The following ATRNL1 variants were observed in gnomAD, a reference collection of about 807,000 sequenced individuals.
ATRNL1 encodes attractin-like protein 1.
Under a neutral mutation model 182.7 loss-of-function variants are expected in ATRNL1, and 95 were observed. The observed-to-expected ratio is 0.52, with a 90% CI of 0.44 to 0.62. ATRNL1 has a LOEUF of 0.62. Among genes scored for constraint, ATRNL1 ranks in the 20% least tolerant of loss-of-function variants. ATRNL1 has a pLI of 0.00. For missense variants in ATRNL1, 1,471 were observed against 1,679.5 expected (o/e 0.88, Z 2.17); for synonymous variants, 576 against 568.3 (o/e 1.01, Z -0.19).
intron 5 of ATRNL1, among the ~76,000 whole-genome samples, chr10:115,131,287 A>G (rs923215985): frequency 1.9e-4 from 29 of 152,100 alleles, no homozygotes; most frequent in African/African-American, 6.5e-4. Context: ...TTTTATATGG[A>G]GAATAGTGTG....
chr10:115,662,955 G>T (rs903960196), intron 26 of ATRNL1, among the ~76,000 whole-genome samples: 28 of 152,018 alleles, frequency 1.8e-4, no homozygotes, highest in African/African-American at 6.3e-4. Context: ...CTTTGTATTC[G>T]CATTTAAAGT....
At chr10:115,942,722 G>C (rs1303918462) in intron 28 of ATRNL1, among the ~76,000 whole-genome samples, 2 of 152,202 alleles carry the variant, frequency 1.3e-5, no homozygotes, top group African/African-American at 2.4e-5. Context: ...TCAAAGTCAA[G>C]TCTTCAAGAC....
Position 115,321,423 on chromosome 10 carries a change from T to C in ATRNL1, c.3037+5687T>C, listed in dbSNP as rs1854578654. On this transcript the variant is annotated intron_variant, in intron 18 of 28. Coordinates refer to ENST00000355044, the MANE Select transcript of ATRNL1 (RefSeq NM_207303.4). ...TATGGTTGTTTTATATATCCTTTGC[T>C]CCTTTCTTATTGTTTATCATTGTGG... Among the ~76,000 whole-genome samples the C allele has an allele frequency of 3.3e-5, 5 of 152,336 alleles. No homozygotes were observed. In the South Asian group the frequency reaches 1.0e-3, roughly 32 times the overall value.
intron 18 of ATRNL1, among the ~76,000 whole-genome samples, chr10:115,329,460 C>T (rs961271520): frequency 8.6e-5 from 13 of 152,006 alleles, no homozygotes; most frequent in Non-Finnish European, 1.8e-4. Context: ...GATGATCTGT[C>T]GATTGCTGAG....
intron 27 of ATRNL1, among the ~76,000 whole-genome samples, chr10:115,732,183 G>T (rs1479313296): frequency 6.6e-6 from 1 of 152,108 alleles, no homozygotes; most frequent in African/African-American, 2.4e-5. Flanking sequence ...TATGCCTAAG[G>T]GTGGAATTGC....
chr10:115,326,602 C>T (rs1854897899), intron 18 of ATRNL1, among the ~76,000 whole-genome samples: 1 of 151,774 alleles, frequency 6.6e-6, no homozygotes, highest in Non-Finnish European at 1.5e-5. Flanking sequence ...TCATATGGAA[C>T]CAAAAAAGAG....
intron 15 of ATRNL1, among the ~76,000 whole-genome samples, chr10:115,296,561 T>C (rs1443880276): frequency 6.6e-6 from 1 of 152,228 alleles, no homozygotes; most frequent in African/African-American, 2.4e-5. Flanking sequence ...CCAGTTTCTG[T>C]CTATACAGCC....
intron 21 of ATRNL1, among the ~76,000 whole-genome samples, chr10:115,443,376 C>T (rs1438053437): frequency 1.3e-5 from 2 of 151,946 alleles, no homozygotes; most frequent in Non-Finnish European, 2.9e-5. Context: ...ATAGGCATAT[C>T]TCTTAAAAAT....
intron 21 of ATRNL1, among the ~76,000 whole-genome samples, chr10:115,446,691 G>C (rs1473037103): frequency 1.3e-5 from 2 of 151,900 alleles, no homozygotes; most frequent in African/African-American, 4.8e-5. Flanking sequence ...TATGCAATTG[G>C]AATTTGGAGC....
At chr10:115,365,156 C>G (rs1212190067) in intron 19 of ATRNL1, among the ~76,000 whole-genome samples, 4 of 151,918 alleles carry the variant, frequency 2.6e-5, no homozygotes, top group Admixed American at 6.6e-5. Context: ...GTCCTGGACT[C>G]TTTTTGGTTG....
intron 9 of ATRNL1, among the ~76,000 whole-genome samples, chr10:115,216,357 G>A (rs949677448): frequency 6.6e-6 from 1 of 152,156 alleles, no homozygotes; most frequent in Non-Finnish European, 1.5e-5. Context: ...CTGTGGTAAT[G>A]TGTATATACT....
intron 19 of ATRNL1, among the ~76,000 whole-genome samples, chr10:115,377,872 C>G (rs1266751690): frequency 9.9e-5 from 15 of 152,124 alleles, no homozygotes; most frequent in Admixed American, 9.8e-4. Context: ...TCTCCATTTC[C>G]TAGGTGGACT....
At chr10:115,825,873 T>A (rs1950419179) in intron 27 of ATRNL1, among the ~76,000 whole-genome samples, 1 of 152,198 alleles carries the variant, frequency 6.6e-6, no homozygotes, top group Non-Finnish European at 1.5e-5. Flanking sequence ...TGACCTTTTT[T>A]TTCCCTTAGG....
At chr10:115,345,372 A>G (rs781943855) in intron 19 of ATRNL1, among the ~76,000 whole-genome samples, 9 of 152,058 alleles carry the variant, frequency 5.9e-5, no homozygotes, top group Non-Finnish European at 8.8e-5. Context: ...TCTCCTTTCT[A>G]CTATAGCAGG....
At chr10:115,401,549 T>C (rs1592599795) in intron 20 of ATRNL1, among the ~76,000 whole-genome samples, 1 of 152,288 alleles carries the variant, frequency 6.6e-6, no homozygotes, top group African/African-American at 2.4e-5. Context: ...ATCCTATTTA[T>C]AAGTGTAGTG....
rs570691039 is a variant in ATRNL1, at chr10:115,906,511, C to A, written c.4019-38147C>A. On this transcript the variant is annotated intron_variant, in intron 28 of 28. Coordinates refer to ENST00000355044, the MANE Select transcript of ATRNL1 (RefSeq NM_207303.4). ...TCCTCTCTTAACAAATGCCTTTATT[C>A]AAAACAATCACAGTAGATTATACAG... Among the ~76,000 whole-genome samples, 15 of 152,158 alleles carry A rather than the reference C, an allele frequency of 9.9e-5. No homozygotes were observed. The South Asian group carries it at 3.1e-3, about 32-fold the overall frequency.
At chr10:115,267,853 C>CT (rs1851672989) in intron 12 of ATRNL1, among the ~76,000 whole-genome samples, 1 of 152,058 alleles carries the variant, frequency 6.6e-6, no homozygotes, top group Non-Finnish European at 1.5e-5. Context: ...ACTCTGTCTC[C>CT]TGGTTTCAAG....
chr10:115,594,397 A>G (rs1021162681), intron 26 of ATRNL1, among the ~76,000 whole-genome samples: 1 of 152,158 alleles, frequency 6.6e-6, no homozygotes, highest in Non-Finnish European at 1.5e-5. Flanking sequence ...AAACTTGCTC[A>G]AGGACTCAGA....
chr10:115,804,529 G>A (rs1048978377), intron 27 of ATRNL1, among the ~76,000 whole-genome samples: 18 of 152,152 alleles, frequency 1.2e-4, no homozygotes, highest in Admixed American at 1.2e-3. Context: ...TAGGATGAGT[G>A]CCCTTGCAAG....
Sources: gnomAD v4.1 joint callset for allele counts (sites outside exome capture counted in the v4.1 genomes callset) on GRCh38, gnomAD v4.1.1 for gene constraint, MANE v1.5 for transcripts, NCBI Gene and HGNC (gene_info 2026-07-23, HGNC 2026-07-21) for gene names.